The following DOCK4 variants were observed in gnomAD, a reference collection of about 807,000 sequenced individuals.
The protein encoded by DOCK4 is dedicator of cytokinesis protein 4.
DOCK4 carries 97 observed loss-of-function variants against 268.1 expected under a neutral mutation model. The observed-to-expected ratio is 0.36, with a 90% CI of 0.31 to 0.43. The LOEUF (loss-of-function observed/expected upper bound fraction) is 0.43. Ranked by LOEUF, DOCK4 falls within the 20% of genes least tolerant of loss-of-function variation. DOCK4 has a pLI of 1.00. For synonymous variants in DOCK4, 954 were observed against 887.2 expected, an observed-to-expected ratio of 1.08 and a Z score of -1.34; for missense variants, 2,145 against 2,455.7, an observed-to-expected ratio of 0.87 and a Z score of 2.67.
chr7:112,004,061 C>T lies in DOCK4; in HGVS notation c.108G>A (p.Leu36=). Residue 36 remains leucine (L), a synonymous_variant, in exon 2 of 53, where the codon CTG becomes CTA. Coordinates refer to ENST00000428084, the MANE Select transcript of DOCK4 (RefSeq NM_001363540.2). ...AAGGCTACTCACCATCACACTTCTC[C>T]AGGATCTGAACTGTATCTCCAATTT... The part of the protein sequence containing the change: ...SLEIGDTVQI[L]EKCDGWYRGF... The T allele has an allele frequency of 6.2e-7, 1 of 1,603,290 alleles. No individual in the cohort carries two copies. Among genetic ancestry groups the T allele is most frequent in the Non-Finnish European group, 8.5e-7 (1 of 1,174,676 alleles).
intron 12 of DOCK4, among the ~76,000 whole-genome samples, chr7:111,926,516 A>C (rs1187650097): frequency 6.8e-6 from 1 of 148,058 alleles, no homozygotes; most frequent in Non-Finnish European, 1.5e-5. Context: ...GAAGGAAGAA[A>C]AAAAGAAAGA....
At chr7:112,066,910 T>G (rs996706993) in intron 1 of DOCK4, among the ~76,000 whole-genome samples, 3 of 150,388 alleles carry the variant, frequency 2.0e-5, no homozygotes, top group Non-Finnish European at 4.4e-5. Context: ...TTTGGGAAGC[T>G]GAAGCAGGAG....
chr7:112,040,550 G>GGTAT (rs1804259720), intron 1 of DOCK4, among the ~76,000 whole-genome samples: 1 of 152,144 alleles, frequency 6.6e-6, no homozygotes, highest in Admixed American at 6.6e-5. Context: ...CAGATGCTGA[G>GGTAT]GTATGGTGAA....
intron 47 of DOCK4, among the ~76,000 whole-genome samples, chr7:111,740,760 A>AAAAG (rs1795861877): frequency 7.3e-6 from 1 of 137,890 alleles, no homozygotes. Flanking sequence ...AAAAAAAAAA[A>AAAAG]GGCAAGCTAA....
Position 111,731,983 on chromosome 7 carries a change from C to T in DOCK4, c.5481+243G>A, listed in dbSNP as rs1454287919. On this transcript the variant is annotated intron_variant, in intron 52 of 52. Transcript: ENST00000428084. Reference sequence around the variant, plus strand: ...ATGCACTGACTTCAGTCTGCAAGTTCTCACTGCTACCATTTGGAGAATGAG... The same window carrying T: ...ATGCACTGACTTCAGTCTGCAAGTTTTCACTGCTACCATTTGGAGAATGAG... Among the ~76,000 whole-genome samples, 10 of 152,200 alleles carry T rather than the reference C, an allele frequency of 6.6e-5. No homozygotes were observed. In the East Asian group the frequency reaches 1.9e-3, roughly 29 times the overall value.
At chr7:112,048,389 CAAAAAAAAAAAA>C (rs59810546) in intron 1 of DOCK4, among the ~76,000 whole-genome samples, 2 of 72,134 alleles carry the variant, frequency 2.8e-5, no homozygotes, top group African/African-American at 3.8e-5. Context: ...ACTAAAAATA[CAAAAAAAAAAAA>C]AAAAAAAAAA....
intron 1 of DOCK4, among the ~76,000 whole-genome samples, chr7:112,169,448 T>C (rs773668077): frequency 6.6e-6 from 1 of 152,200 alleles, no homozygotes; most frequent in Non-Finnish European, 1.5e-5. Flanking sequence ...AACAGACTCA[T>C]TTAATTATCT....
chr7:112,200,550 T>C (rs189198454), intron 1 of DOCK4, among the ~76,000 whole-genome samples: 9 of 152,154 alleles, frequency 5.9e-5, no homozygotes, highest in Admixed American at 5.9e-4. Flanking sequence ...GTTCCTCTGA[T>C]GTATATATTC....
chr7:112,033,522 A>C (rs1803467884), intron 1 of DOCK4, among the ~76,000 whole-genome samples: 1 of 152,210 alleles, frequency 6.6e-6, no homozygotes, highest in Non-Finnish European at 1.5e-5. Flanking sequence ...TATTTGCAAT[A>C]ATTTCTCACT....
At chr7:112,129,099 A>T (rs1187203505) in intron 1 of DOCK4, among the ~76,000 whole-genome samples, 3 of 152,194 alleles carry the variant, frequency 2.0e-5, no homozygotes, top group Non-Finnish European at 4.4e-5. Context: ...AAATCTGTAC[A>T]TGAATGTTCT....
At chr7:111,796,657 T>C (rs1210295738) in intron 30 of DOCK4, among the ~76,000 whole-genome samples, 9 of 152,238 alleles carry the variant, frequency 5.9e-5, no homozygotes, top group Admixed American at 5.9e-4. Context: ...ACCATTTTTT[T>C]TTAAAGGTAA....
chr7:111,963,266 A>G (rs7781451), intron 8 of DOCK4, among the ~76,000 whole-genome samples: 46,033 of 148,234 alleles, frequency 0.31, 8,719 homozygotes, highest in African/African-American at 0.55. Flanking sequence ...CGCAGAAGAC[A>G]GGTGATTTCT....
chr7:111,941,226 T>C (rs1795172179), intron 10 of DOCK4, among the ~76,000 whole-genome samples: 1 of 152,344 alleles, frequency 6.6e-6, no homozygotes, highest in South Asian at 2.1e-4. Context: ...GCTTTTCAGA[T>C]GTGCAAAATG....
At chr7:112,067,567 G>GA (rs996918653) in intron 1 of DOCK4, among the ~76,000 whole-genome samples, 5 of 151,548 alleles carry the variant, frequency 3.3e-5, no homozygotes, top group African/African-American at 4.8e-5. Context: ...GGCTAAAAAA[G>GA]AAAAAAAAGG....
chr7:111,786,772 T>C (rs1325261047), intron 32 of DOCK4, among the ~76,000 whole-genome samples: 1 of 152,238 alleles, frequency 6.6e-6, no homozygotes, highest in African/African-American at 2.4e-5. Context: ...ATTGTGATTA[T>C]ACTAATTCAT....
chr7:111,858,791 C>A (rs1563601474), intron 23 of DOCK4, among the ~76,000 whole-genome samples: 1 of 151,936 alleles, frequency 6.6e-6, no homozygotes, highest in Non-Finnish European at 1.5e-5. Flanking sequence ...TCCTTCCCTT[C>A]CTTTCCTTCC....
chr7:111,960,965 T>C (rs1000954517), intron 8 of DOCK4, among the ~76,000 whole-genome samples: 1 of 152,164 alleles, frequency 6.6e-6, no homozygotes, highest in African/African-American at 2.4e-5. Flanking sequence ...ATCTTAGCTA[T>C]TGTCAATAGT....
chr7:111,878,015 G>A lies in DOCK4; in HGVS notation c.1588-829C>T, dbSNP rs533319464. Among the ~76,000 whole-genome samples, 6 of 152,280 alleles carry A rather than the reference G, an allele frequency of 3.9e-5. No homozygotes were observed. In the East Asian group the frequency reaches 7.7e-4, roughly 20 times the overall value. ...TCTACAATGCATTCTTACCAAAAGT[G>A]CTGAACCCCAGTCCATCACATCTAG... On this transcript the variant is annotated intron_variant, in intron 16 of 52. Transcript: ENST00000428084.
chr7:111,733,057 G>A (rs1434151664), intron 51 of DOCK4, among the ~76,000 whole-genome samples: 2 of 152,214 alleles, frequency 1.3e-5, no homozygotes, highest in East Asian at 1.9e-4. Flanking sequence ...AAAGGCTGGC[G>A]TGACACAGTC....
Sources: allele counts gnomAD v4.1 joint callset (sites outside exome capture counted in the v4.1 genomes callset), GRCh38; gene constraint gnomAD v4.1.1; transcripts MANE v1.5; gene names NCBI Gene and HGNC (gene_info 2026-07-23, HGNC 2026-07-21).